Variants in RAB28 observed in about 807,000 individuals in gnomAD.
RAB28 encodes RAB28, member RAS oncogene family.
Under a neutral mutation model 31.7 loss-of-function variants are expected in RAB28, and 24 were observed. The observed-to-expected ratio is 0.76, with a 90% CI of 0.55 to 1.06. The LOEUF (loss-of-function observed/expected upper bound fraction) is 1.06. Ranked by LOEUF, RAB28 falls within the 50% of genes least tolerant of loss-of-function variation. The pLI, the probability that RAB28 is intolerant of heterozygous loss-of-function variation, is 0.00. For missense variants in RAB28, 254 were observed against 258.5 expected, an observed-to-expected ratio of 0.98 and a Z score of 0.12; for synonymous variants, 100 against 90.4, an observed-to-expected ratio of 1.11 and a Z score of -0.60.
intron 4 of RAB28, among the ~76,000 whole-genome samples, chr4:13,391,176 C>T (rs574130810): frequency 6.6e-6 from 1 of 152,080 alleles, no homozygotes; most frequent in Non-Finnish European, 1.5e-5. Flanking sequence ...GACTAATATC[C>T]AGAATCTACA....
intron 5 of RAB28, among the ~76,000 whole-genome samples, chr4:13,379,394 T>C (rs922617856): frequency 6.6e-6 from 1 of 151,876 alleles, no homozygotes; most frequent in Non-Finnish European, 1.5e-5. Flanking sequence ...CATGAAAAAG[T>C]GGAGACTTGG....
chr4:13,417,947 TTC>T (rs1202423796), intron 4 of RAB28, among the ~76,000 whole-genome samples: 1 of 152,150 alleles, frequency 6.6e-6, no homozygotes, highest in Non-Finnish European at 1.5e-5. Flanking sequence ...AATAACAAAC[TTC>T]TCTGAGCTAA....
At chr4:13,391,166 G>T (rs2108890746) in intron 4 of RAB28, among the ~76,000 whole-genome samples, 1 of 152,140 alleles carries the variant, frequency 6.6e-6, no homozygotes, top group African/African-American at 2.4e-5. Flanking sequence ...TCTGACAAAG[G>T]ACTAATATCC....
chr4:13,369,560 T>C (rs1311622541), intron 6 of RAB28, among the ~76,000 whole-genome samples: 1 of 152,064 alleles, frequency 6.6e-6, no homozygotes, highest in East Asian at 1.9e-4. Context: ...GGAAAAATGG[T>C]AAGGAATGAA....
At chr4:13,443,122 C>T (rs981955960) in intron 4 of RAB28, among the ~76,000 whole-genome samples, 1 of 151,304 alleles carries the variant, frequency 6.6e-6, no homozygotes, top group African/African-American at 2.4e-5. Context: ...CAAGTTAGGG[C>T]TATGAAAGAG....
Position 13,417,386 on chromosome 4 carries a change from G to C in RAB28, c.392-35792C>G, listed in dbSNP as rs988294385. On this transcript the variant is annotated intron_variant, in intron 4 of 6. Coordinates refer to ENST00000330852, the MANE Select transcript of RAB28 (RefSeq NM_001017979.3). ...CTGTCTGACAGCTCTGAAGAGGGCA[G>C]TGGTTTTCCCAGCACAGGGTTTGAG... Among the ~76,000 whole-genome samples the C allele has an allele frequency of 9.8e-5, 15 of 152,348 alleles. No individual in the cohort carries two copies. In the East Asian group the frequency reaches 1.2e-3, roughly 12 times the overall value.
intron 4 of RAB28, among the ~76,000 whole-genome samples, chr4:13,403,118 T>G (rs913268737): frequency 3.6e-4 from 54 of 152,084 alleles, no homozygotes; most frequent in African/African-American, 1.3e-3. Context: ...TTCTTTGAAG[T>G]AACTAATGAA....
intron 4 of RAB28, among the ~76,000 whole-genome samples, chr4:13,431,474 C>T (rs939767450): frequency 2.0e-4 from 31 of 152,236 alleles, no homozygotes; most frequent in Admixed American, 1.2e-3. Flanking sequence ...TATTTTTAAG[C>T]GCCATCTACT....
chr4:13,416,134 GATAAGAAA>G lies in RAB28; in HGVS notation c.392-34548_392-34541del, dbSNP rs547893940. Among the ~76,000 whole-genome samples the G allele has an allele frequency of 4.6e-5, 7 of 152,248 alleles. No homozygotes were observed. In the South Asian group the frequency reaches 1.5e-3, roughly 32 times the overall value. On this transcript the variant is annotated intron_variant, in intron 4 of 6. Coordinates refer to ENST00000330852, the MANE Select transcript of RAB28 (RefSeq NM_001017979.3). Reference sequence around the variant, plus strand: ...AATCAGCAGGATGTGGGTGGGGCCAGATAAGAAAATAAAAGCAGGCTGCCCAAGCCAGC... The same window carrying G: ...AATCAGCAGGATGTGGGTGGGGCCAGATAAAAGCAGGCTGCCCAAGCCAGC...
At chr4:13,413,947 A>G (rs548321372) in intron 4 of RAB28, among the ~76,000 whole-genome samples, 18 of 152,334 alleles carry the variant, frequency 1.2e-4, no homozygotes, top group African/African-American at 4.3e-4. Context: ...ACAGCAGTCT[A>G]GGAGCTATTT....
intron 4 of RAB28, among the ~76,000 whole-genome samples, chr4:13,448,772 A>T (rs1277269611): frequency 6.6e-6 from 1 of 152,086 alleles, no homozygotes; most frequent in Admixed American, 6.5e-5. Context: ...GTGAAGTATC[A>T]TGTGAGGGAA....
intron 4 of RAB28, among the ~76,000 whole-genome samples, chr4:13,384,230 G>A (rs544197336): frequency 2.0e-4 from 30 of 152,236 alleles, no homozygotes; most frequent in African/African-American, 6.5e-4. Context: ...GCCAGCACCC[G>A]ACCCCCATGC....
intron 3 of RAB28, among the ~76,000 whole-genome samples, chr4:13,473,434 G>A (rs1276072270): frequency 6.6e-6 from 1 of 151,774 alleles, no homozygotes; most frequent in Admixed American, 6.6e-5. Flanking sequence ...AGCTCAGTAA[G>A]CACAACCTAC....
intron 4 of RAB28, among the ~76,000 whole-genome samples, chr4:13,451,079 G>C (rs1714944494): frequency 6.6e-6 from 1 of 151,850 alleles, no homozygotes; most frequent in Admixed American, 6.6e-5. Flanking sequence ...CTGTAGGAAA[G>C]CAAGTCTAGG....
intron 4 of RAB28, among the ~76,000 whole-genome samples, chr4:13,452,857 C>A (rs1249247633): frequency 6.6e-6 from 1 of 152,000 alleles, no homozygotes; most frequent in Non-Finnish European, 1.5e-5. Flanking sequence ...CTGTCCAATG[C>A]TGAGAGTAGG....
chr4:13,386,436 A>G (rs1729372679), intron 4 of RAB28, among the ~76,000 whole-genome samples: 1 of 152,196 alleles, frequency 6.6e-6, no homozygotes, highest in Non-Finnish European at 1.5e-5. Flanking sequence ...TCAATTAAAA[A>G]GTGGGCCAAG....
chr4:13,438,424 C>T (rs778087156), intron 4 of RAB28, among the ~76,000 whole-genome samples: 1 of 152,058 alleles, frequency 6.6e-6, no homozygotes, highest in Non-Finnish European at 1.5e-5. Context: ...GTAGTCATTA[C>T]CTTTCCCTCC....
intron 4 of RAB28, among the ~76,000 whole-genome samples, chr4:13,420,561 G>C (rs1199399654): frequency 6.6e-6 from 1 of 152,124 alleles, no homozygotes; most frequent in Non-Finnish European, 1.5e-5. Flanking sequence ...TATCCACCAA[G>C]ATCAAGTCGG....
intron 4 of RAB28, among the ~76,000 whole-genome samples, chr4:13,417,020 G>T (rs890206651): frequency 6.6e-6 from 1 of 152,202 alleles, no homozygotes; most frequent in Non-Finnish European, 1.5e-5. Context: ...GGAAAATTGG[G>T]ACACTCCCAC....
Sources: gnomAD v4.1 joint callset for allele counts (sites outside exome capture counted in the v4.1 genomes callset) on GRCh38, gnomAD v4.1.1 for gene constraint, MANE v1.5 for transcripts, NCBI Gene and HGNC (gene_info 2026-07-23, HGNC 2026-07-21) for gene names.